SIPA1L2: variants seen among roughly 807,000 people sequenced by gnomAD.
The protein encoded by SIPA1L2 is signal-induced proliferation-associated 1-like protein 2.
A neutral mutation model predicts 163.9 loss-of-function variants in SIPA1L2; 56 were observed. That is an observed-to-expected ratio of 0.34 (90% CI 0.28 to 0.43). The LOEUF is 0.43. SIPA1L2 is among the 20% of genes least tolerant of loss of function. The probability of loss-of-function intolerance (pLI) is 1.00; values close to 1 mark genes in which losing one functional copy is unlikely to be tolerated. For synonymous variants in SIPA1L2, 877 were observed against 865.7 expected (o/e 1.01, Z -0.23); for missense variants, 1,974 against 2,193.5 (o/e 0.90, Z 2.00).
chr1:232,514,036 C>G lies in SIPA1L2; in HGVS notation c.1304G>C (p.Ser435Thr), dbSNP rs1346615592. Residue 435 changes from serine to threonine, a missense_variant, in exon 3 of 23, where the codon AGT becomes ACT. Transcript: ENST00000674635. ...TTCGAAAGAGCAGCTTTCCCCAGAA[C>G]TGAAAGAGGATGAGTTGGCTCGAGA... Reference protein sequence around the residue: ...ALSRANSSSFSSGESCSFESS... With the variant: ...ALSRANSSSFTSGESCSFESS... 6.2e-7 allele frequency: 1 copy of G among 1,614,210 alleles called. No individual in the cohort carries two copies. Among genetic ancestry groups the G allele is most frequent in the Non-Finnish European group, 8.5e-7 (1 of 1,180,032 alleles).
chr1:232,572,756 TATATATATATATATATA>T lies in SIPA1L2; in HGVS notation c.-270+1401_-270+1417del, dbSNP rs1558277662. Among the ~76,000 whole-genome samples the T allele has an allele frequency of 6.0e-5, 4 of 67,174 alleles. No individual in the cohort carries two copies. In the Admixed American group the frequency reaches 6.6e-4, roughly 11 times the overall value. 44.1% of individuals were successfully genotyped at this position (67,174 alleles called of 152,430 possible). A position where few individuals can be genotyped will look rare whatever the true frequency, so the allele number is the denominator to read the frequency against. On this transcript the variant is annotated intron_variant, in intron 2 of 22. Transcript: ENST00000674635. The stretch of plus-strand genomic sequence containing the variant: ...ATACATACATATATATATATATATA[TATATATATATATATATA>T]TATATATTTATTTATTTATTTTTTC...
chr1:232,430,853 TTCCATACCACAGGGG>T (rs1381012422), intron 16 of SIPA1L2, among the ~76,000 whole-genome samples: 1 of 152,180 alleles, frequency 6.6e-6, no homozygotes. Context: ...CCATTTGCCC[TTCCATACCACAGGGG>T]TCCCCAGGTG....
intron 2 of SIPA1L2, among the ~76,000 whole-genome samples, chr1:232,544,454 G>T (rs184198079): frequency 2.0e-5 from 3 of 152,196 alleles, no homozygotes; most frequent in African/African-American, 7.2e-5. Context: ...CAGCTACTTG[G>T]GAGGCTGAGG....
intron 1 of SIPA1L2, among the ~76,000 whole-genome samples, chr1:232,609,011 A>C (rs1310561002): frequency 6.6e-6 from 1 of 151,582 alleles, no homozygotes; most frequent in East Asian, 1.9e-4. Context: ...AAAAAAAAAA[A>C]GTAACCTCTT....
intron 6 of SIPA1L2, 106 bp downstream of exon 6, chr1:232,483,686 T>A: frequency 7.9e-7 from 1 of 1,268,574 alleles, no homozygotes. Context: ...TCTAGGCTGC[T>A]TCTGGGGCCG....
At chr1:232,533,218 T>C (rs1458423746) in intron 2 of SIPA1L2, among the ~76,000 whole-genome samples, 1 of 152,168 alleles carries the variant, frequency 6.6e-6, no homozygotes, top group African/African-American at 2.4e-5. Flanking sequence ...CCTCAGGTGT[T>C]TCTAGTGTTG....
At chr1:232,437,836 C>T (rs765981700) in intron 15 of SIPA1L2, among the ~76,000 whole-genome samples, 7 of 152,142 alleles carry the variant, frequency 4.6e-5, no homozygotes, top group Non-Finnish European at 8.8e-5. Flanking sequence ...GACAGACGAG[C>T]GTGACTGTGG....
intron 1 of SIPA1L2, among the ~76,000 whole-genome samples, chr1:232,595,147 A>G (rs1243268431): frequency 6.6e-6 from 1 of 152,174 alleles, no homozygotes; most frequent in South Asian, 2.1e-4. Context: ...TCCCTTAGTA[A>G]TAAGTGATGT....
chr1:232,587,905 A>C (rs6424236), intron 1 of SIPA1L2, among the ~76,000 whole-genome samples: 3 of 151,946 alleles, frequency 2.0e-5, no homozygotes, highest in Non-Finnish European at 4.4e-5. Flanking sequence ...CTCTTCTCTT[A>C]TCTGCCGCCA....
chr1:232,491,433 CCTT>C (rs1255927270), intron 4 of SIPA1L2, among the ~76,000 whole-genome samples: 1 of 152,104 alleles, frequency 6.6e-6, no homozygotes, highest in Non-Finnish European at 1.5e-5. Context: ...CCATGATCAC[CCTT>C]CTTCCATCCT....
chr1:232,465,206 T>C lies in SIPA1L2; in HGVS notation c.2454A>G (p.Thr818=). The change falls in exon 9 of 23, where the codon ACA becomes ACG. Residue 818 remains threonine, a synonymous_variant. Coordinates refer to ENST00000674635, the MANE Select transcript of SIPA1L2 (RefSeq NM_020808.5). The surrounding 1 kb of genome is among the most constrained non-coding windows in gnomAD (Gnocchi z 4.1). ...YLKDLAENFV[T]TATVDTSVKF... Reference sequence around the variant, plus strand: ...TCACAGAGGTATCCACGGTGGCGGTTGTGACAAAGTTCTCCGCCAGATCTT... The same window carrying C: ...TCACAGAGGTATCCACGGTGGCGGTCGTGACAAAGTTCTCCGCCAGATCTT... 1 of 1,614,176 alleles carries C rather than the reference T, an allele frequency of 6.2e-7. No individual in the cohort carries two copies. The highest frequency in any genetic ancestry group is 8.5e-7 in the Non-Finnish European group (1 of 1,180,024).
chr1:232,432,315 A>G lies in SIPA1L2; in HGVS notation c.4188T>C (p.Tyr1396=), dbSNP rs767909385. ...PYHRQGAVNK[Y]VIGWKKSEGS... The stretch of plus-strand genomic sequence containing the variant: ...CCTCCGATTTCTTCCAGCCGATGAC[A>G]TATTTGTTCACTGCCCCTTGTCTGT... The change falls in exon 16 of 23, where the codon TAT becomes TAC. Residue 1396 remains tyrosine, a synonymous_variant. Transcript: ENST00000674635. 6.2e-7 allele frequency: 1 copy of G among 1,614,114 alleles called. No individual in the cohort carries two copies. Among genetic ancestry groups the G allele is most frequent in the Non-Finnish European group, 8.5e-7 (1 of 1,180,020 alleles).
chr1:232,598,456 T>G (rs1339446212), intron 1 of SIPA1L2, among the ~76,000 whole-genome samples: 1 of 152,204 alleles, frequency 6.6e-6, no homozygotes, highest in Non-Finnish European at 1.5e-5. Flanking sequence ...CAAAGACACC[T>G]GTTGTCTTTT....
chr1:232,458,468 C>T (rs1006530652), intron 10 of SIPA1L2, among the ~76,000 whole-genome samples: 13 of 152,142 alleles, frequency 8.5e-5, no homozygotes, highest in African/African-American at 1.7e-4. Context: ...CCAAATATCA[C>T]GACAACTTTA....
chr1:232,539,609 A>C (rs952284054), intron 2 of SIPA1L2, among the ~76,000 whole-genome samples: 3 of 152,042 alleles, frequency 2.0e-5, no homozygotes, highest in Non-Finnish European at 2.9e-5. Context: ...AAAGGAGAGG[A>C]TCTCACGCAG....
At chr1:232,411,269 G>A (rs1572856612) in intron 19 of SIPA1L2, among the ~76,000 whole-genome samples, 1 of 152,258 alleles carries the variant, frequency 6.6e-6, no homozygotes, top group East Asian at 1.9e-4. Context: ...CATTATGGTG[G>A]GGAGTGCAAG....
chr1:232,479,152 G>A (rs749512535), intron 7 of SIPA1L2, among the ~76,000 whole-genome samples: 1 of 152,148 alleles, frequency 6.6e-6, no homozygotes, highest in Non-Finnish European at 1.5e-5. Flanking sequence ...AAAGCATGAT[G>A]CACTCTGATT....
chr1:232,541,213 C>A (rs1266214094), intron 2 of SIPA1L2, among the ~76,000 whole-genome samples: 7 of 151,194 alleles, frequency 4.6e-5, no homozygotes, highest in Non-Finnish European at 7.4e-5. Context: ...CTATGTAACA[C>A]ACCTGCACAT....
intron 2 of SIPA1L2, 139 bp from the exon 3 acceptor site, chr1:232,515,747 T>C (rs142908163): frequency 1.2e-5 from 2 of 167,544 alleles, no homozygotes; most frequent in Non-Finnish European, 2.6e-5. Flanking sequence ...TTCGTAACAC[T>C]CCTCCCTGGA....
Sources: allele counts gnomAD v4.1 joint callset (sites outside exome capture counted in the v4.1 genomes callset), GRCh38; gene constraint gnomAD v4.1.1; non-coding constraint Gnocchi (gnomAD v3.1); transcripts MANE v1.5; gene names NCBI Gene and HGNC (gene_info 2026-07-23, HGNC 2026-07-21).